KCND2: variants seen among roughly 807,000 people sequenced by gnomAD.
The protein encoded by KCND2 is A-type voltage-gated potassium channel KCND2.
A neutral mutation model predicts 54.4 loss-of-function variants in KCND2; 16 were observed. The observed-to-expected ratio is 0.29, with a 90% confidence interval of 0.20 to 0.45. The LOEUF (loss-of-function observed/expected upper bound fraction) is 0.45. KCND2 is among the 20% of genes least tolerant of loss of function. The pLI, the probability that KCND2 is intolerant of heterozygous loss-of-function variation, is 1.00. For missense variants in KCND2, 486 were observed against 824.2 expected (o/e 0.59, Z 5.02); for synonymous variants, 317 against 310.7 (o/e 1.02, Z -0.21).
intron 1 of KCND2, among the ~76,000 whole-genome samples, chr7:120,654,309 C>T (rs1791774261): frequency 6.6e-6 from 1 of 152,030 alleles, no homozygotes; most frequent in Non-Finnish European, 1.5e-5. Context: ...ACTGGAGAGA[C>T]ATAAAATTTT....
chr7:120,535,694 A>G (rs1194349299), intron 1 of KCND2, among the ~76,000 whole-genome samples: 1 of 152,180 alleles, frequency 6.6e-6, no homozygotes, highest in East Asian at 1.9e-4. Context: ...TCTAGTTCTT[A>G]TCATTTCAGA....
intron 1 of KCND2, among the ~76,000 whole-genome samples, chr7:120,371,252 A>G (rs1242937613): frequency 1.3e-5 from 2 of 152,020 alleles, no homozygotes; most frequent in African/African-American, 4.8e-5. Flanking sequence ...CAGGCCCCAC[A>G]GAGAGGGAAA....
At chr7:120,357,241 T>C (rs539413546) in intron 1 of KCND2, among the ~76,000 whole-genome samples, 1 of 152,256 alleles carries the variant, frequency 6.6e-6, no homozygotes, top group African/African-American at 2.4e-5. Flanking sequence ...AAAGTAAATG[T>C]TATTATCCAA....
At chr7:120,338,965 C>T (rs1371441117) in intron 1 of KCND2, among the ~76,000 whole-genome samples, 3 of 151,968 alleles carry the variant, frequency 2.0e-5, no homozygotes, top group Non-Finnish European at 4.4e-5. Context: ...ACTGCAAGCT[C>T]CACCTCCCGA....
chr7:120,381,670 GTA>G (rs1800917734), intron 1 of KCND2, among the ~76,000 whole-genome samples: 1 of 152,038 alleles, frequency 6.6e-6, no homozygotes, highest in Non-Finnish European at 1.5e-5. Context: ...TCAGAGAGAA[GTA>G]AGATCTCCGA....
intron 1 of KCND2, among the ~76,000 whole-genome samples, chr7:120,327,489 G>T (rs1345125721): frequency 6.6e-6 from 1 of 152,046 alleles, no homozygotes; most frequent in Non-Finnish European, 1.5e-5. Context: ...GTAAATAGGA[G>T]TATTCATTAT....
intron 1 of KCND2, among the ~76,000 whole-genome samples, chr7:120,411,007 C>T (rs1801442581): frequency 6.6e-6 from 1 of 151,904 alleles, no homozygotes; most frequent in Admixed American, 6.6e-5. Flanking sequence ...TCCCTGTTTA[C>T]AGAAGACATG....
intron 1 of KCND2, among the ~76,000 whole-genome samples, chr7:120,620,141 A>G (rs1793080010): frequency 6.6e-6 from 1 of 152,204 alleles, no homozygotes; most frequent in Admixed American, 6.5e-5. Flanking sequence ...TATGAAAAGT[A>G]AATAACCTCA....
intron 1 of KCND2, among the ~76,000 whole-genome samples, chr7:120,674,632 T>A (rs1188827525): frequency 3.3e-5 from 5 of 152,240 alleles, no homozygotes; most frequent in African/African-American, 1.2e-4. Context: ...AACACCCTAA[T>A]CCCTCCAGAT....
At chr7:120,289,371 A>G (rs1457908425) in intron 1 of KCND2, among the ~76,000 whole-genome samples, 3 of 152,036 alleles carry the variant, frequency 2.0e-5, no homozygotes, top group Non-Finnish European at 4.4e-5. Flanking sequence ...TCCACTAAAC[A>G]TTTGTTTAAG....
intron 1 of KCND2, among the ~76,000 whole-genome samples, chr7:120,643,074 A>G (rs984363263): frequency 6.6e-6 from 1 of 152,226 alleles, no homozygotes; most frequent in Admixed American, 6.5e-5. Context: ...AGTGTGAAAA[A>G]AAGTTTGCTA....
intron 1 of KCND2, among the ~76,000 whole-genome samples, chr7:120,568,505 A>G (rs1162972797): frequency 6.6e-6 from 1 of 152,144 alleles, no homozygotes; most frequent in Non-Finnish European, 1.5e-5. Flanking sequence ...GCAAAGTTGT[A>G]TTAAAATCAA....
intron 1 of KCND2, among the ~76,000 whole-genome samples, chr7:120,474,561 A>C (rs1562848912): frequency 6.8e-6 from 1 of 147,262 alleles, no homozygotes; most frequent in Non-Finnish European, 1.5e-5. Flanking sequence ...ACGGTGTTTC[A>C]CCATGTTGGC....
chr7:120,378,213 T>C (rs149556545), intron 1 of KCND2, among the ~76,000 whole-genome samples: 20 of 152,084 alleles, frequency 1.3e-4, no homozygotes, highest in African/African-American at 4.1e-4. Flanking sequence ...TATGCAATGG[T>C]TTAAAATTCA....
intron 5 of KCND2, 133 bp from the exon 6 acceptor site, chr7:120,747,548 A>ATAT (rs2116195032): frequency 1.5e-6 from 1 of 656,312 alleles, no homozygotes; most frequent in East Asian, 2.8e-5. Context: ...TTGGTGTTTC[A>ATAT]TATTTTTAAT....
At chr7:120,675,923 CCT>C (rs941133599) in intron 1 of KCND2, among the ~76,000 whole-genome samples, 12 of 146,582 alleles carry the variant, frequency 8.2e-5, no homozygotes, top group Non-Finnish European at 1.6e-4. Flanking sequence ...GGTGGTGTGA[CCT>C]CAGCTCACTG....
intron 1 of KCND2, among the ~76,000 whole-genome samples, chr7:120,720,908 A>G (rs1792658041): frequency 6.6e-6 from 1 of 152,186 alleles, no homozygotes; most frequent in African/African-American, 2.4e-5. Flanking sequence ...TACTCTGCTC[A>G]CAATCCAACC....
At chr7:120,335,373 A>C in intron 1 of KCND2, among the ~76,000 whole-genome samples, 1 of 150,448 alleles carries the variant, frequency 6.6e-6, no homozygotes, top group South Asian at 2.1e-4. Context: ...AAAAAAAAAA[A>C]AAAGAAGGAT....
chr7:120,622,903 C>T (rs1282156806), intron 1 of KCND2, among the ~76,000 whole-genome samples: 1 of 151,946 alleles, frequency 6.6e-6, no homozygotes, highest in Non-Finnish European at 1.5e-5. Flanking sequence ...TGACTTCAAT[C>T]CATTTCGTAG....
Sources: allele counts gnomAD v4.1 joint callset (sites outside exome capture counted in the v4.1 genomes callset), GRCh38; gene constraint gnomAD v4.1.1; transcripts MANE v1.5; gene names NCBI Gene and HGNC (gene_info 2026-07-23, HGNC 2026-07-21).